Variants in ZNF383 observed in about 807,000 individuals in gnomAD.
ZNF383 encodes zinc finger protein 383.
A neutral mutation model predicts 44.2 loss-of-function variants in ZNF383; 32 were observed. The ratio of observed to expected loss-of-function variants is 0.72; its 90% CI spans 0.55 to 0.97. The LOEUF (loss-of-function observed/expected upper bound fraction) is 0.97. Ranked by LOEUF, ZNF383 falls within the 50% of genes least tolerant of loss-of-function variation. The pLI, the probability that ZNF383 is intolerant of heterozygous loss-of-function variation, is 0.00. For missense variants in ZNF383, 487 were observed against 562.5 expected (o/e 0.87, Z 1.36); for synonymous variants, 155 against 186.2 (o/e 0.83, Z 1.36).
At position 37,242,563 on chromosome 19, in the gene ZNF383, G is replaced by A. The variant is rs1599808232; in HGVS notation, c.327G>A (p.Lys109=). The A allele has an allele frequency of 6.2e-7, 1 of 1,613,960 alleles. No homozygotes were observed. Among genetic ancestry groups the A allele is most frequent in the Non-Finnish European group, 8.5e-7 (1 of 1,179,894 alleles). The change falls in exon 6 of 6, where the codon AAG becomes AAA. Residue 109 remains lysine, a synonymous_variant. Coordinates refer to ENST00000684119, the MANE Select transcript of ZNF383 (RefSeq NM_001387601.1). ...LCQREIMGLT[K]HGLEYSSFGD... ...AGAGGGAGATAATGGGACTTACAAA[G>A]CATGGCCTTGAGTACTCCAGTTTTG...
chr19:37,228,536 C>G (rs774794853), intron 2 of ZNF383, among the ~76,000 whole-genome samples: 1 of 151,874 alleles, frequency 6.6e-6, no homozygotes, highest in Admixed American at 6.6e-5. Context: ...GGTGGCTTGC[C>G]GCCCAGAGTA....
intron 1 of ZNF383, among the ~76,000 whole-genome samples, chr19:37,224,249 C>T (rs1973055008): frequency 6.6e-6 from 1 of 151,898 alleles, no homozygotes; most frequent in African/African-American, 2.4e-5. Flanking sequence ...TATTGAAATA[C>T]AAAATGAATG....
chr19:37,225,416 C>A (rs946665077), intron 2 of ZNF383, among the ~76,000 whole-genome samples: 1 of 152,128 alleles, frequency 6.6e-6, no homozygotes, highest in Non-Finnish European at 1.5e-5. Context: ...ATGTACATTC[C>A]AGTGTTAAGT....
At chr19:37,239,356 C>G (rs572106699) in intron 5 of ZNF383, among the ~76,000 whole-genome samples, 1 of 152,098 alleles carries the variant, frequency 6.6e-6, no homozygotes, top group Non-Finnish European at 1.5e-5. Flanking sequence ...ATCACAGATA[C>G]GTTCATATTA....
At chr19:37,242,171 G>A (rs1461515547) in intron 5 of ZNF383, among the ~76,000 whole-genome samples, 3 of 45,422 alleles carry the variant, frequency 6.6e-5, no homozygotes, top group Non-Finnish European at 1.9e-4. Context: ...TTTTAATATG[G>A]AAAATAGCCC....
rs1974446250 is a variant in ZNF383, at chr19:37,248,553, T to A, written c.*4889T>A. The stretch of plus-strand genomic sequence containing the variant: ...TCTGAACTCAGGAACCAAATAGATG[T>A]GGATAGCATGGGATTTTTGGAATAC... On this transcript the variant is annotated 3_prime_UTR_variant, in exon 6 of 6. Transcript: ENST00000684119. 6.6e-6 allele frequency: 1 copy of A among 152,212 alleles called. No homozygotes were observed. Among genetic ancestry groups the A allele is most frequent in the African/African-American group, 2.4e-5 (1 of 41,462 alleles). 9.4% of individuals were successfully genotyped at this position (152,212 alleles called of 1,614,324 possible). A position where few individuals can be genotyped will look rare whatever the true frequency, so the allele number is the denominator to read the frequency against.
chr19:37,229,328 A>AT (rs111342939), intron 2 of ZNF383, among the ~76,000 whole-genome samples: 20,561 of 132,722 alleles, frequency 0.15, 1,671 homozygotes, highest in South Asian at 0.27. Flanking sequence ...CTAATTTTGT[A>AT]TTTTTTTTTT....
At chr19:37,229,624 G>A (rs1344662916) in intron 2 of ZNF383, among the ~76,000 whole-genome samples, 2 of 144,412 alleles carry the variant, frequency 1.4e-5, no homozygotes, top group East Asian at 2.0e-4. Flanking sequence ...ATGTGTGTGT[G>A]TGTGTGTGTA....
chr19:37,242,931 G>A lies in ZNF383; in HGVS notation c.695G>A (p.Gly232Glu). The A allele has an allele frequency of 6.2e-7, 1 of 1,614,140 alleles. No homozygotes were observed. Among genetic ancestry groups the A allele is most frequent in the Non-Finnish European group, 8.5e-7 (1 of 1,180,026 alleles). ...GEKPFECKEC[G>E]KAFSCSSYLS... ...AAACCCTTTGAATGTAAGGAATGTG[G>A]AAAGGCCTTCAGTTGTAGCTCATAC... The change falls in exon 6 of 6, where the codon GGA (glycine) becomes GAA (glutamate). Residue 232 changes from glycine to glutamate, a missense_variant. Physicochemically the swap from Gly to Glu is moderately conservative, Grantham distance 98. Transcript: ENST00000684119.
intron 2 of ZNF383, chr19:37,226,554 G>A (rs1973178644): frequency 6.6e-6 from 1 of 152,174 alleles, no homozygotes; most frequent in South Asian, 2.1e-4. Flanking sequence ...GCCTTTTCCA[G>A]AATGTTGTAA....
chr19:37,229,854 C>T (rs1291772832), intron 2 of ZNF383, among the ~76,000 whole-genome samples: 1 of 144,744 alleles, frequency 6.9e-6, no homozygotes, highest in Non-Finnish European at 1.5e-5. Context: ...TGCCTGCATC[C>T]CTGTGTGTTT....
intron 5 of ZNF383, among the ~76,000 whole-genome samples, chr19:37,236,663 G>A (rs539291835): frequency 1.5e-4 from 23 of 151,296 alleles, no homozygotes; most frequent in African/African-American, 4.1e-4. Context: ...TCTGCCTCCC[G>A]GGTTCAGGCG....
At position 37,239,881 on chromosome 19, in the gene ZNF383, C is replaced by T. The variant is rs117308966; in HGVS notation, c.233-2588C>T. Among the ~76,000 whole-genome samples the T allele has an allele frequency of 1.4e-3, 206 of 152,038 alleles. 2 individuals carry two copies. In the East Asian group the frequency reaches 0.021, roughly 15 times the overall value. On this transcript the variant is annotated intron_variant, in intron 5 of 5. Transcript: ENST00000684119. ...AGATGAAAGTTACTGCAAGATCTGCCGGGCGCAGTGGCTCACGCCTGTAAT... is the reference window on the plus strand; with the variant it reads ...AGATGAAAGTTACTGCAAGATCTGCTGGGCGCAGTGGCTCACGCCTGTAAT...
intron 3 of ZNF383, among the ~76,000 whole-genome samples, chr19:37,231,316 G>T (rs1184573605): frequency 1.3e-5 from 2 of 152,114 alleles, no homozygotes; most frequent in Non-Finnish European, 2.9e-5. Context: ...CTGAGGTCAG[G>T]AGTTAGAGAC....
Position 37,235,671 on chromosome 19 carries a change from A to C in ZNF383, c.132A>C (p.Ser44=). Residue 44 remains serine, a synonymous_variant, in exon 4 of 6, where the codon TCA becomes TCC. Transcript: ENST00000684119. Reference sequence around the variant, plus strand: ...TGGAGAACTACGGCAATCTGGTTTCAATGGGTAAGGGCATCTGTACCAGTG... The same window carrying C: ...TGGAGAACTACGGCAATCTGGTTTCCATGGGTAAGGGCATCTGTACCAGTG... ...VMLENYGNLV[S]MGLYTPKPQV... 6.2e-7 allele frequency: 1 copy of C among 1,608,976 alleles called. No individual in the cohort carries two copies. Among genetic ancestry groups the C allele is most frequent in the East Asian group, 2.2e-5 (1 of 44,830 alleles).
rs1010530225 is a variant in ZNF383, at chr19:37,246,976, A to G, written c.*3312A>G. 6.6e-6 allele frequency: 1 copy of G among 152,218 alleles called. No homozygotes were observed. The highest frequency in any genetic ancestry group is 2.4e-5 in the African/African-American group (1 of 41,456). 9.4% of individuals were successfully genotyped at this position (152,218 alleles called of 1,614,324 possible). On this transcript the variant is annotated 3_prime_UTR_variant, in exon 6 of 6. Coordinates refer to ENST00000684119, the MANE Select transcript of ZNF383 (RefSeq NM_001387601.1). ...AGCAGTACAATAGGATAACCATCAA[A>G]TATCTGATTATTAATTCAATATTCC...
At chr19:37,219,346 C>G in intron 1 of ZNF383, 1 of 152,984 alleles carries the variant, frequency 6.5e-6, no homozygotes, top group African/African-American at 2.4e-5. Context: ...ACCTCCGCCT[C>G]CCCGGTTCAA....
At chr19:37,221,251 C>T (rs1454914051) in intron 1 of ZNF383, among the ~76,000 whole-genome samples, 2 of 152,114 alleles carry the variant, frequency 1.3e-5, no homozygotes, top group Non-Finnish European at 2.9e-5. Flanking sequence ...AATGAATCTG[C>T]TGATACCATG....
At chr19:37,226,035 G>T (rs536606688) in intron 2 of ZNF383, among the ~76,000 whole-genome samples, 1 of 150,244 alleles carries the variant, frequency 6.7e-6, no homozygotes, top group Admixed American at 6.7e-5. Flanking sequence ...TCCTGACCTC[G>T]TAAAATATTT....
Sources: gnomAD v4.1 joint callset for allele counts (sites outside exome capture counted in the v4.1 genomes callset) on GRCh38, gnomAD v4.1.1 for gene constraint, MANE v1.5 for transcripts, NCBI Gene and HGNC (gene_info 2026-07-23, HGNC 2026-07-21) for gene names.